Variants in ATXN2 observed in about 807,000 individuals in gnomAD.
ATXN2 encodes ataxin 2.
ATXN2 carries 37 observed loss-of-function variants against 138.6 expected under a neutral mutation model. That is an observed-to-expected ratio of 0.27 (90% confidence interval 0.21 to 0.35). ATXN2 has a LOEUF of 0.35. ATXN2 is among the 10% of genes least tolerant of loss of function. The pLI is 1.00. For missense variants in ATXN2, 1,216 were observed against 1,480.3 expected, an observed-to-expected ratio of 0.82 and a Z score of 2.93; for synonymous variants, 549 against 543.7, an observed-to-expected ratio of 1.01 and a Z score of -0.13.
chr12:111,525,272 G>A lies in ATXN2; in HGVS notation c.616C>T (p.His206Tyr). ...SAISAKVNGE[H>Y]KEKDLEPWDA... ...CAGGGCTCCAGGTCCTTCTCTTTGT[G>A]TTCGCCATTCACTTTAGCACTGATA... The change falls in exon 6 of 25, where the codon CAC becomes TAC. Residue 206 changes from histidine (H) to tyrosine (Y), a missense_variant. By Grantham distance (83) the His-to-Tyr change is moderately conservative (BLOSUM62 2). Transcript: ENST00000673436. The A allele has an allele frequency of 1.2e-6, 2 of 1,613,446 alleles. No individual in the cohort carries two copies. Among genetic ancestry groups the A allele is most frequent in the East Asian group, 2.2e-5 (1 of 44,858 alleles).
At chr12:111,522,339 G>A (rs575332636) in intron 6 of ATXN2, among the ~76,000 whole-genome samples, 22 of 152,004 alleles carry the variant, frequency 1.4e-4, no homozygotes, top group African/African-American at 4.3e-4. Flanking sequence ...GGCCGGGCAC[G>A]GTGGCTCATG....
intron 20 of ATXN2, among the ~76,000 whole-genome samples, chr12:111,466,212 AAAG>A: frequency 6.8e-6 from 1 of 147,896 alleles, no homozygotes; most frequent in Non-Finnish European, 1.5e-5. Context: ...AAAAAAAAAA[AAAG>A]AGGCTGGGCA....
At position 111,488,653 on chromosome 12, in the gene ATXN2, C is replaced by T. The variant is rs1429430777; in HGVS notation, c.2063G>A (p.Ser688Asn). 1.2e-6 allele frequency: 2 copies of T among 1,613,966 alleles called. No homozygotes were observed. Among genetic ancestry groups the T allele is most frequent in the Non-Finnish European group, 1.7e-6 (2 of 1,180,006 alleles). The part of the protein sequence containing the change: ...PSAKDSFIEN[S>N]SSNCTSGSSK... ...GCTGCCACTGGTACAGTTGCTGCTG[C>T]TATTTTCAATGAAAGAATCCTTAGC... Residue 688 changes from serine to asparagine, a missense_variant, in exon 15 of 25, where the codon AGC (serine) becomes AAC (asparagine). Physicochemically the swap from Ser to Asn is conservative, Grantham distance 46. This residue lies in a region of ATXN2 where 490 missense variants were observed against 653.5 expected (regional missense o/e 0.75). Transcript: ENST00000673436.
Position 111,598,546 on chromosome 12 carries a change from G to C in ATXN2, c.251+238C>G. The C allele has an allele frequency of 1.0e-6, 1 of 984,948 alleles. No homozygotes were observed. Among genetic ancestry groups the C allele is most frequent in the Non-Finnish European group, 1.2e-6 (1 of 829,578 alleles). The allele number at this position is 984,948 out of a possible 1,614,324, so 61.0% of individuals were successfully genotyped here. On this transcript the variant is annotated intron_variant, in intron 1 of 24. Coordinates refer to ENST00000673436, the MANE Select transcript of ATXN2 (RefSeq NM_001372574.1). The surrounding 1 kb of genome is among the most constrained non-coding windows in gnomAD (Gnocchi z 4.5). Reference sequence around the variant, plus strand: ...GCCGCCCGCTCCCTCCATCTTGACCGCCGGGGGAGGGGGCGGGGATGCTGC... The same window carrying C: ...GCCGCCCGCTCCCTCCATCTTGACCCCCGGGGGAGGGGGCGGGGATGCTGC...
chr12:111,502,995 A>G (rs1878879811), intron 14 of ATXN2, among the ~76,000 whole-genome samples: 1 of 152,218 alleles, frequency 6.6e-6, no homozygotes, highest in Non-Finnish European at 1.5e-5. Flanking sequence ...CACATGATGT[A>G]TAGAGGCCAA....
chr12:111,550,189 T>C (rs1360397127), intron 5 of ATXN2, among the ~76,000 whole-genome samples: 1 of 152,120 alleles, frequency 6.6e-6, no homozygotes, highest in African/African-American at 2.4e-5. Context: ...CCCTTATGAG[T>C]AGAGTGAGAT....
chr12:111,503,474 C>A (rs1878909386), intron 14 of ATXN2, among the ~76,000 whole-genome samples: 1 of 151,966 alleles, frequency 6.6e-6, no homozygotes, highest in Admixed American at 6.6e-5. Context: ...GCATCTGGTA[C>A]ACAGGAAATA....
chr12:111,484,421 T>C (rs1877493613), intron 18 of ATXN2, among the ~76,000 whole-genome samples: 2 of 151,832 alleles, frequency 1.3e-5, no homozygotes, highest in Non-Finnish European at 2.9e-5. Context: ...GTTTTTTTGT[T>C]TGTTTGTTTT....
At chr12:111,485,654 C>T (rs1381233262) in intron 17 of ATXN2, 59 bp downstream of exon 17, 1 of 1,586,862 alleles carries the variant, frequency 6.3e-7, no homozygotes, top group African/African-American at 1.3e-5. Flanking sequence ...CTAAAGAGTG[C>T]TTGGTGTCAG....
At chr12:111,548,884 G>A (rs1881978673) in intron 5 of ATXN2, among the ~76,000 whole-genome samples, 1 of 152,090 alleles carries the variant, frequency 6.6e-6, no homozygotes, top group Non-Finnish European at 1.5e-5. Context: ...ATCACGTCCC[G>A]CTAATTTTTT....
chr12:111,546,681 G>A (rs1398874651), intron 5 of ATXN2, among the ~76,000 whole-genome samples: 3 of 151,984 alleles, frequency 2.0e-5, no homozygotes, highest in African/African-American at 7.3e-5. Context: ...AAGGAATACT[G>A]GAAATGGATG....
intron 11 of ATXN2, chr12:111,511,197 C>A (rs1879485831): frequency 6.6e-6 from 1 of 151,498 alleles, no homozygotes; most frequent in Admixed American, 6.6e-5. Context: ...AACTGCAGAG[C>A]TCAGATTCAA....
rs185825173 is a variant in ATXN2, at chr12:111,522,871, G to A, written c.697-1898C>T. 1.3e-3 allele frequency among the ~76,000 whole-genome samples: 202 copies of A among 151,844 alleles called. 2 individuals carry two copies. The highest frequency in any genetic ancestry group is 3.9e-3 in the African/African-American group (161 of 41,348). On this transcript the variant is annotated intron_variant, in intron 6 of 24. Coordinates refer to ENST00000673436, the MANE Select transcript of ATXN2 (RefSeq NM_001372574.1). ...AGAGGTTTCAGTGAGCCAAGATCAC[G>A]CCATTGCACTCCAGCCTGGACAACA...
At chr12:111,523,866 C>T (rs1178350842) in intron 6 of ATXN2, among the ~76,000 whole-genome samples, 1 of 151,506 alleles carries the variant, frequency 6.6e-6, no homozygotes, top group African/African-American at 2.4e-5. Flanking sequence ...AGTTCCAGAT[C>T]ACCCTGGGCA....
At chr12:111,510,117 G>A (rs922982218) in intron 12 of ATXN2, 119 bp from the exon 13 acceptor site, 2 of 804,866 alleles carry the variant, frequency 2.5e-6, no homozygotes, top group Non-Finnish European at 3.8e-6. Context: ...TTAAACAGAG[G>A]CTTTTTTTCC....
At chr12:111,550,977 GA>G (rs1882083958) in intron 5 of ATXN2, among the ~76,000 whole-genome samples, 1 of 152,152 alleles carries the variant, frequency 6.6e-6, no homozygotes, top group Non-Finnish European at 1.5e-5. Context: ...TTTCACTACA[GA>G]ATTTGGCATA....
chr12:111,517,154 T>C (rs757438118), intron 9 of ATXN2, among the ~76,000 whole-genome samples: 1 of 152,170 alleles, frequency 6.6e-6, no homozygotes, highest in Non-Finnish European at 1.5e-5. Flanking sequence ...TAGGTAAAGA[T>C]ACAGCTAGTA....
chr12:111,527,534 G>A (rs1880568174), intron 5 of ATXN2, among the ~76,000 whole-genome samples: 1 of 152,170 alleles, frequency 6.6e-6, no homozygotes, highest in East Asian at 1.9e-4. Context: ...CCCAAACTAG[G>A]TGTGGGTAGG....
intron 14 of ATXN2, among the ~76,000 whole-genome samples, chr12:111,502,420 T>G (rs952269421): frequency 1.2e-4 from 19 of 152,126 alleles, no homozygotes; most frequent in African/African-American, 4.1e-4. Context: ...AATGGAAAAC[T>G]TAAGTTCTTT....
Sources: allele counts gnomAD v4.1 joint callset (sites outside exome capture counted in the v4.1 genomes callset), GRCh38; gene constraint gnomAD v4.1.1; regional missense constraint gnomAD v4.1.1; non-coding constraint Gnocchi (gnomAD v3.1); transcripts MANE v1.5; gene names NCBI Gene and HGNC (gene_info 2026-07-23, HGNC 2026-07-21).